KANSL1: variants seen among roughly 807,000 people sequenced by gnomAD.
KANSL1 encodes KAT8 regulatory NSL complex subunit 1, also known as MLL1/MLL complex subunit KANSL1.
KANSL1 carries 22 observed loss-of-function variants against 103.6 expected under a neutral mutation model. The ratio of observed to expected loss-of-function variants is 0.21; its 90% CI spans 0.15 to 0.30. KANSL1 has a LOEUF of 0.30. KANSL1 is among the 10% of genes least tolerant of loss of function. The pLI, the probability that KANSL1 is intolerant of heterozygous loss-of-function variation, is 1.00. For missense variants in KANSL1, 1,337 were observed against 1,399.8 expected, an observed-to-expected ratio of 0.96 and a Z score of 0.72; for synonymous variants, 600 against 527.6, an observed-to-expected ratio of 1.14 and a Z score of -1.88.
At chr17:46,116,054 C>T (rs1014924467) in intron 2 of KANSL1, among the ~76,000 whole-genome samples, 2 of 152,188 alleles carry the variant, frequency 1.3e-5, no homozygotes, top group Non-Finnish European at 1.5e-5. Flanking sequence ...GAAGAATCCC[C>T]GGAACCAAGC....
chr17:46,146,462 A>AT (rs1204869045), intron 2 of KANSL1, among the ~76,000 whole-genome samples: 4 of 152,044 alleles, frequency 2.6e-5, no homozygotes, highest in Non-Finnish European at 5.9e-5. Flanking sequence ...GAAAAAAAAA[A>AT]TTTTTTTTGG....
intron 2 of KANSL1, among the ~76,000 whole-genome samples, chr17:46,152,427 C>T (rs542423290): frequency 6.6e-6 from 1 of 152,316 alleles, no homozygotes; most frequent in South Asian, 2.1e-4. Context: ...GACGAATCAG[C>T]TATATTACAA....
At chr17:46,172,824 GTCA>G (rs1191281939) in intron 1 of KANSL1, among the ~76,000 whole-genome samples, 1 of 152,196 alleles carries the variant, frequency 6.6e-6, no homozygotes, top group Non-Finnish European at 1.5e-5. Context: ...GATCAAAGTG[GTCA>G]TCAATATCTT....
intron 3 of KANSL1, chr17:46,088,577 G>A (rs1185125067): frequency 6.6e-6 from 1 of 152,158 alleles, no homozygotes; most frequent in African/African-American, 2.4e-5. Context: ...ATCTCAAAGA[G>A]TAGTCAGAAG....
Position 46,032,290 on chromosome 17 carries a change from C to A in KANSL1, c.2847G>T (p.Arg949Ser). The change falls in exon 14 of 15, where the codon AGG (arginine) becomes AGT (serine). Residue 949 changes from arginine (R) to serine (S), a missense_variant. Around this residue, in one of 2 missense-constraint regions of KANSL1, gnomAD observed 780 missense variants for 923.4 expected, o/e 0.84. Coordinates refer to ENST00000432791, the MANE Select transcript of KANSL1 (RefSeq NM_015443.4). ...GGGGGGTTGTCCGGCCGTCTGATGA[C>A]CTGTAGGACCTGCACACCAAGGAAT... ...PPQRRGSRSYRSSDGRTTPQL... is the reference protein window; with the variant it reads ...PPQRRGSRSYSSSDGRTTPQL... 6.6e-7 allele frequency: 1 copy of A among 1,518,812 alleles called. No homozygotes were observed. The highest frequency in any genetic ancestry group is 8.8e-7 in the Non-Finnish European group (1 of 1,134,586). 94.1% of individuals were successfully genotyped at this position (1,518,812 alleles called of 1,614,324 possible). A position where few individuals can be genotyped will look rare whatever the true frequency, so the allele number is the denominator to read the frequency against.
At chr17:46,047,328 T>C (rs2077548371) in intron 7 of KANSL1, among the ~76,000 whole-genome samples, 1 of 152,254 alleles carries the variant, frequency 6.6e-6, no homozygotes, top group Admixed American at 6.5e-5. Context: ...TTAGCAATGA[T>C]TGTTTTTATA....
intron 1 of KANSL1, among the ~76,000 whole-genome samples, chr17:46,191,448 T>C (rs2047317400): frequency 1.3e-5 from 2 of 152,230 alleles, no homozygotes; most frequent in South Asian, 4.1e-4. Context: ...CTTAAGCCTT[T>C]GTAAATAGTG....
chr17:46,186,098 G>A (rs532614656), intron 1 of KANSL1, among the ~76,000 whole-genome samples: 1 of 152,052 alleles, frequency 6.6e-6, no homozygotes, highest in African/African-American at 2.4e-5. Context: ...AAAGGAGGCC[G>A]GGCGCGGTGG....
Position 46,188,959 on chromosome 17 carries a change from A to AG in KANSL1, c.-90+3863dup, listed in dbSNP as rs1378457613. ...GAGGTAGGAGAATCGCTAGAACCCT[A>AG]GGGGTGGAGGTTGCAGTGAGCCAAG... is the stretch of plus-strand genomic sequence containing the variant. On this transcript the variant is annotated intron_variant, in intron 1 of 14. Coordinates refer to ENST00000432791, the MANE Select transcript of KANSL1 (RefSeq NM_015443.4). 7.5e-5 allele frequency among the ~76,000 whole-genome samples: 10 copies of AG among 133,576 alleles called. No homozygotes were observed. The Admixed American group carries it at 8.3e-4, about 11-fold the overall frequency. 87.6% of individuals were successfully genotyped at this position (133,576 alleles called of 152,430 possible).
upstream of KANSL1, among the ~76,000 whole-genome samples, chr17:46,197,433 A>G (rs2047649128): frequency 6.6e-6 from 1 of 152,254 alleles, no homozygotes; most frequent in African/African-American, 2.4e-5. Context: ...ACCTGAGGCC[A>G]GGAATTCGAG....
chr17:46,162,371 T>C (rs890977606), intron 2 of KANSL1, among the ~76,000 whole-genome samples: 2 of 152,226 alleles, frequency 1.3e-5, no homozygotes, highest in Non-Finnish European at 2.9e-5. Context: ...TAGTTAAAAC[T>C]ATTTGTTTTA....
rs943413933 is a variant in KANSL1, at chr17:46,171,217, T to C, written c.927A>G (p.Gln309=). ...GTATATGCCTCTCAACCTGCTTGGC[T>C]TGCACAACCTGTAAGCGCTTTTGTA... ...RRLQKRLQVV[Q]AKQVERHIQH... is the part of the protein sequence containing the mutation. The change falls in exon 2 of 15, where the codon CAA becomes CAG. Residue 309 remains glutamine (Q), a synonymous_variant. Transcript: ENST00000432791. 2 of 1,614,138 alleles carry C rather than the reference T, an allele frequency of 1.2e-6. No individual in the cohort carries two copies. The highest frequency in any genetic ancestry group is 1.7e-6 in the Non-Finnish European group (2 of 1,180,040).
intron 1 of KANSL1, among the ~76,000 whole-genome samples, chr17:46,184,246 G>GTC (rs146274807): frequency 2.0e-5 from 3 of 147,232 alleles, no homozygotes; most frequent in Non-Finnish European, 3.1e-5. Flanking sequence ...ATTTTGAAAG[G>GTC]TGAGGTGGTG....
chr17:46,124,841 C>G (rs9898375), intron 2 of KANSL1, among the ~76,000 whole-genome samples: 2,764 of 151,426 alleles, frequency 0.018, 82 homozygotes, highest in African/African-American at 0.065. Context: ...ACTGCAATCT[C>G]GTGATAAAAC....
chr17:46,033,012 A>T (rs917130986), intron 13 of KANSL1, 68 bp downstream of exon 13: 34 of 1,259,048 alleles, frequency 2.7e-5, no homozygotes, highest in Non-Finnish European at 3.7e-5. Flanking sequence ...CCATGGACTC[A>T]AGTAGGGCCC....
intron 4 of KANSL1, among the ~76,000 whole-genome samples, chr17:46,071,473 A>AT (rs1254891636): frequency 1.3e-5 from 2 of 152,236 alleles, no homozygotes; most frequent in African/African-American, 2.4e-5. Context: ...AAAGAAAAAC[A>AT]TAACACACAA....
intron 3 of KANSL1, among the ~76,000 whole-genome samples, chr17:46,088,183 C>T (rs2146884232): frequency 6.6e-6 from 1 of 152,222 alleles, no homozygotes; most frequent in East Asian, 1.9e-4. Flanking sequence ...CAGTTACATG[C>T]AGCCTTAATA....
intron 1 of KANSL1, among the ~76,000 whole-genome samples, chr17:46,188,615 G>C (rs779758635): frequency 1.3e-5 from 2 of 152,218 alleles, no homozygotes; most frequent in East Asian, 1.9e-4. Context: ...CTTAAGGTAA[G>C]TAAGTAAAGA....
chr17:46,171,763 T>A lies in KANSL1; in HGVS notation c.381A>T (p.Arg127Ser), dbSNP rs1482432831. The change falls in exon 2 of 15, where the codon AGA becomes AGT. Residue 127 changes from arginine (R) to serine (S), a missense_variant. Physicochemically the swap from Arg to Ser is moderately radical, Grantham distance 110 (BLOSUM62 -1). Coordinates refer to ENST00000432791, the MANE Select transcript of KANSL1 (RefSeq NM_015443.4). ...CTAAGGAAAACTCCAAAACTGGCTG[T>A]CTCCCCAACAGCTCAGCTCGGAGTT... ...SYELRAELLG[R>S]QPVLEFSLEN... 1 of 1,593,114 alleles carries A rather than the reference T, an allele frequency of 6.3e-7. No homozygotes were observed. Among genetic ancestry groups the A allele is most frequent in the Non-Finnish European group, 8.5e-7 (1 of 1,171,872 alleles).
Sources: gnomAD v4.1 joint callset for allele counts (sites outside exome capture counted in the v4.1 genomes callset) on GRCh38, gnomAD v4.1.1 for gene constraint, gnomAD v4.1.1 regional missense constraint, MANE v1.5 for transcripts, NCBI Gene and HGNC (gene_info 2026-07-23, HGNC 2026-07-21) for gene names.